LCOR: variants seen among roughly 807,000 people sequenced by gnomAD.
LCOR encodes the protein ligand-dependent corepressor.
LCOR carries 14 observed loss-of-function variants against 64.4 expected under a neutral mutation model. The ratio of observed to expected loss-of-function variants is 0.22; its 90% CI spans 0.14 to 0.34. The LOEUF (loss-of-function observed/expected upper bound fraction) is 0.34. Among genes scored for constraint, LCOR ranks in the 10% least tolerant of loss-of-function variants. The pLI, the probability that LCOR is intolerant of heterozygous loss-of-function variation, is 1.00. For synonymous variants in LCOR, 643 were observed against 642.5 expected (o/e 1.00, Z -0.01); for missense variants, 1,686 against 1,765.3 (o/e 0.96, Z 0.80).
chr10:96,876,223 G>A (rs1376058889), intron 2 of LCOR, among the ~76,000 whole-genome samples: 3 of 152,148 alleles, frequency 2.0e-5, no homozygotes, highest in Admixed American at 6.6e-5. Flanking sequence ...CTCTAATGAT[G>A]GAGGGCACCT....
intron 2 of LCOR, among the ~76,000 whole-genome samples, chr10:96,842,240 C>A (rs113442140): frequency 0.016 from 2,500 of 152,038 alleles, 78 homozygotes; most frequent in African/African-American, 0.058. Flanking sequence ...ACTAAAAATA[C>A]AAAAATTAGC....
Position 96,983,264 on chromosome 10 carries a change from C to G in LCOR, c.2804C>G (p.Thr935Ser), listed in dbSNP as rs775968459. 6.2e-7 allele frequency: 1 copy of G among 1,614,190 alleles called. No individual in the cohort carries two copies. Among genetic ancestry groups the G allele is most frequent in the East Asian group, 2.2e-5 (1 of 44,876 alleles). The change falls in exon 8 of 8, where the codon ACC becomes AGC. Residue 935 changes from threonine (T) to serine (S), a missense_variant. By Grantham distance (58) the Thr-to-Ser change is moderately conservative. Transcript: ENST00000421806. This position sits in a 1 kb window ranked among gnomAD's most constrained non-coding sequence, Gnocchi z 4.5. The part of the protein sequence containing the change: ...GEIFPSRDPI[T>S]TAGQPLPGER... ...ATTTTCCCCAGCAGGGACCCCATAA[C>G]CACAGCTGGACAGCCACTGCCTGGA...
chr10:96,968,890 G>A (rs1268411038), intron 7 of LCOR, among the ~76,000 whole-genome samples: 1 of 151,660 alleles, frequency 6.6e-6, no homozygotes, highest in Non-Finnish European at 1.5e-5. Context: ...AGCCCTGATC[G>A]CACCACTGCA....
At chr10:96,894,935 G>A (rs1846512142) in intron 2 of LCOR, among the ~76,000 whole-genome samples, 1 of 152,128 alleles carries the variant, frequency 6.6e-6, no homozygotes, top group Admixed American at 6.5e-5. Context: ...TTGCTAGATG[G>A]TAAAGATAGA....
At chr10:96,897,100 G>GC (rs1846551481) in intron 2 of LCOR, among the ~76,000 whole-genome samples, 1 of 78,574 alleles carries the variant, frequency 1.3e-5, no homozygotes, top group Non-Finnish European at 2.5e-5. Flanking sequence ...AGAAAGAAAA[G>GC]CAAAAAAAAA....
intron 7 of LCOR, chr10:96,958,691 T>C (rs1847822247): frequency 4.8e-6 from 2 of 420,920 alleles, no homozygotes; most frequent in African/African-American, 4.0e-5. Context: ...GATATTCAGG[T>C]AAATTTTCTT....
At chr10:96,915,617 A>G in intron 4 of LCOR, 2 of 856,612 alleles carry the variant, frequency 2.3e-6, no homozygotes, top group South Asian at 2.6e-5. Flanking sequence ...CAGTTATCAA[A>G]AATGCACACA....
At chr10:96,836,638 G>C (rs919851284) in intron 2 of LCOR, among the ~76,000 whole-genome samples, 1 of 152,174 alleles carries the variant, frequency 6.6e-6, no homozygotes, top group African/African-American at 2.4e-5. Flanking sequence ...AATGCTAGGG[G>C]TGTTTAGAAG....
intron 2 of LCOR, among the ~76,000 whole-genome samples, chr10:96,836,612 T>C (rs1845445726): frequency 6.6e-6 from 1 of 152,186 alleles, no homozygotes; most frequent in Non-Finnish European, 1.5e-5. Context: ...TAGTGTGTCA[T>C]ATGATGGTGC....
chr10:96,884,460 G>A (rs935659952), intron 2 of LCOR, among the ~76,000 whole-genome samples: 16 of 152,220 alleles, frequency 1.1e-4, no homozygotes, highest in African/African-American at 3.1e-4. Flanking sequence ...TCTGTACCTC[G>A]GAAGAGAAGA....
intron 2 of LCOR, among the ~76,000 whole-genome samples, chr10:96,873,902 G>A (rs922978432): frequency 6.6e-6 from 1 of 152,126 alleles, no homozygotes; most frequent in Non-Finnish European, 1.5e-5. Context: ...TGTGGGGGAA[G>A]GGATAGCATC....
rs182248882 is a variant in LCOR, at chr10:96,967,031, C to T, written c.333-13762C>T. 4.6e-5 allele frequency among the ~76,000 whole-genome samples: 7 copies of T among 152,320 alleles called. No homozygotes were observed. The East Asian group carries it at 1.3e-3, about 29-fold the overall frequency. Reference sequence around the variant, plus strand: ...GGATTATAGGCATGAGCCATCATGCCTGGCCGACTGTAGAGGTTTTGTAGG... The same window carrying T: ...GGATTATAGGCATGAGCCATCATGCTTGGCCGACTGTAGAGGTTTTGTAGG... On this transcript the variant is annotated intron_variant, in intron 7 of 7. Transcript: ENST00000421806.
intron 7 of LCOR, among the ~76,000 whole-genome samples, chr10:96,967,625 C>T (rs568188717): frequency 6.6e-6 from 1 of 152,084 alleles, no homozygotes; most frequent in Non-Finnish European, 1.5e-5. Context: ...CGTATCTGTA[C>T]GAACATTGGC....
At chr10:96,965,014 AT>A (rs1369880635) in intron 7 of LCOR, among the ~76,000 whole-genome samples, 16 of 148,270 alleles carry the variant, frequency 1.1e-4, no homozygotes, top group Admixed American at 1.3e-4. Context: ...TTTAAAAAAA[AT>A]TTTTTTTTTT....
chr10:96,863,206 G>GTTT (rs869227042), intron 2 of LCOR, among the ~76,000 whole-genome samples: 2,432 of 125,730 alleles, frequency 0.019, 96 homozygotes, highest in African/African-American at 0.068. Flanking sequence ...TTCTTTTTCT[G>GTTT]TTTTTTTTTT....
intron 4 of LCOR, among the ~76,000 whole-genome samples, chr10:96,933,114 AATG>A (rs543505860): frequency 6.6e-6 from 1 of 152,210 alleles, no homozygotes; most frequent in Non-Finnish European, 1.5e-5. Context: ...GGATAAGTAA[AATG>A]ATCTTCAGTG....
chr10:96,914,360 G>C (rs982244729), intron 4 of LCOR, among the ~76,000 whole-genome samples: 3 of 152,074 alleles, frequency 2.0e-5, no homozygotes, highest in Non-Finnish European at 4.4e-5. Context: ...ACCACACCTG[G>C]CTAATTTGGT....
chr10:96,910,169 A>T (rs756341710), intron 4 of LCOR, among the ~76,000 whole-genome samples: 10 of 152,198 alleles, frequency 6.6e-5, no homozygotes, highest in Non-Finnish European at 1.3e-4. Context: ...AGTAGCTAGG[A>T]CTACAGGTAC....
At chr10:96,903,888 G>A (rs1846685187) in intron 2 of LCOR, among the ~76,000 whole-genome samples, 1 of 152,172 alleles carries the variant, frequency 6.6e-6, no homozygotes. Flanking sequence ...CCTTCCTGGA[G>A]CATTAATTCT....
Sources: allele counts gnomAD v4.1 joint callset (sites outside exome capture counted in the v4.1 genomes callset), GRCh38; gene constraint gnomAD v4.1.1; non-coding constraint Gnocchi (gnomAD v3.1); transcripts MANE v1.5; gene names NCBI Gene and HGNC (gene_info 2026-07-23, HGNC 2026-07-21).